The following TMEM53 variants were observed in gnomAD, a reference collection of about 807,000 sequenced individuals.
The protein encoded by TMEM53 is novel DUF829 domain-containing protein.
A neutral mutation model predicts 21.4 loss-of-function variants in TMEM53; 14 were observed. The observed-to-expected ratio is 0.65, with a 90% CI of 0.43 to 1.02. TMEM53 has a LOEUF of 1.02. TMEM53 is among the 50% of genes least tolerant of loss of function. TMEM53 has a pLI of 0.00. For missense variants in TMEM53, 323 were observed against 383.6 expected (o/e 0.84, Z 1.32); for synonymous variants, 148 against 157.4 (o/e 0.94, Z 0.45).
At chr1:44,670,806 T>C (rs1010951499) in intron 1 of TMEM53, among the ~76,000 whole-genome samples, 1 of 152,252 alleles carries the variant, frequency 6.6e-6, no homozygotes, top group Non-Finnish European at 1.5e-5. Flanking sequence ...CCCAGACTCA[T>C]TAATTCTATG....
At position 44,654,161 on chromosome 1, in the gene TMEM53, A is replaced by G. The variant is rs1188416847; in HGVS notation, c.*398T>C. ...AGATAAATAAATAAGTAAAGAAAAA[A>G]AGAGAGTAGGTCTCATATTAAATGT... On this transcript the variant is annotated 3_prime_UTR_variant, in exon 3 of 3. Coordinates refer to ENST00000372237, the MANE Select transcript of TMEM53 (RefSeq NM_024587.4). The surrounding 1 kb of genome is among the most constrained non-coding windows in gnomAD (Gnocchi z 7.0). 3.1e-5 allele frequency: 5 copies of G among 162,724 alleles called. No individual in the cohort carries two copies. The highest frequency in any genetic ancestry group is 6.6e-5 in the Non-Finnish European group (5 of 75,292). The allele number at this position is 162,724 out of a possible 1,614,324, so 10.1% of individuals were successfully genotyped here.
chr1:44,664,728 C>T (rs945078170), intron 1 of TMEM53, among the ~76,000 whole-genome samples: 2 of 152,230 alleles, frequency 1.3e-5, no homozygotes, highest in South Asian at 2.1e-4. Flanking sequence ...ATGACCTCAT[C>T]TACCTGCTTC....
intron 1 of TMEM53, among the ~76,000 whole-genome samples, chr1:44,667,584 A>G (rs1193932119): frequency 6.6e-6 from 1 of 152,142 alleles, no homozygotes; most frequent in Non-Finnish European, 1.5e-5. Context: ...CTGGAATTAC[A>G]GGCATGAGTC....
At chr1:44,660,058 A>G in intron 2 of TMEM53, 116 bp downstream of exon 2, 4 of 1,311,906 alleles carry the variant, frequency 3.0e-6, no homozygotes, top group Non-Finnish European at 4.2e-6. Flanking sequence ...GGGTTTGACC[A>G]TGTTGGCCAG....
intron 2 of TMEM53, among the ~76,000 whole-genome samples, chr1:44,659,459 A>G (rs1292176182): frequency 1.3e-5 from 2 of 152,234 alleles, no homozygotes; most frequent in Non-Finnish European, 2.9e-5. Flanking sequence ...CAGTTACCAC[A>G]GTCTCTATAT....
intron 1 of TMEM53, among the ~76,000 whole-genome samples, chr1:44,663,204 C>A (rs1284272661): frequency 2.0e-5 from 3 of 152,210 alleles, no homozygotes; most frequent in Non-Finnish European, 4.4e-5. Context: ...CAGGCACGTG[C>A]CACCATGGCC....
chr1:44,659,852 A>G (rs1433517752), intron 2 of TMEM53, among the ~76,000 whole-genome samples: 1 of 138,326 alleles, frequency 7.2e-6, no homozygotes, highest in East Asian at 2.1e-4. Flanking sequence ...CCTTCCTCAC[A>G]GGCTTTTTTT....
Position 44,654,653 on chromosome 1 carries a change from A to T in TMEM53, c.740T>A (p.Phe247Tyr). ...GTGGCTGACGTGTGCAGATGACACGAAATCCACAGAACGCGCCAGGACCCG... is the reference window on the plus strand; with the variant it reads ...GTGGCTGACGTGTGCAGATGACACGTAATCCACAGAACGCGCCAGGACCCG... ...ARRVLARSVDFVSSAHVSHLR... is the reference protein window; with the variant it reads ...ARRVLARSVDYVSSAHVSHLR... Residue 247 changes from phenylalanine to tyrosine, a missense_variant, in exon 3 of 3, where the codon TTC becomes TAC. Phe to Tyr is a conservative substitution (Grantham distance 22, BLOSUM62 3). Around this residue, in one of 3 missense-constraint regions of TMEM53, gnomAD observed 269 missense variants for 334.5 expected, o/e 0.80. Transcript: ENST00000372237. This position sits in a 1 kb window ranked among gnomAD's most constrained non-coding sequence, Gnocchi z 7.0. 6.2e-7 allele frequency: 1 copy of T among 1,614,136 alleles called. No individual in the cohort carries two copies. The highest frequency in any genetic ancestry group is 1.6e-4 in the Middle Eastern group (1 of 6,062).
intron 1 of TMEM53, among the ~76,000 whole-genome samples, chr1:44,667,958 A>G (rs1217624856): frequency 6.6e-6 from 1 of 152,234 alleles, no homozygotes; most frequent in Non-Finnish European, 1.5e-5. Context: ...AGATAGTGCC[A>G]GAATTACAAA....
In TMEM53 at chr1:44,653,793, A is replaced by G. The variant is rs1487444544; in HGVS notation, c.*766T>C. ...TACCTTCCCTCTGGCATCTCCCCAC[A>G]AAGGTCACCTTCCATTCAAGGAATC... On this transcript the variant is annotated 3_prime_UTR_variant, in exon 3 of 3. Transcript: ENST00000372237. The G allele has an allele frequency of 2.6e-5, 4 of 152,284 alleles. No homozygotes were observed. Among genetic ancestry groups the G allele is most frequent in the African/African-American group, 7.2e-5 (3 of 41,474 alleles). The allele number at this position is 152,284 out of a possible 1,614,324, so 9.4% of individuals were successfully genotyped here. A position where few individuals can be genotyped will look rare whatever the true frequency, so the allele number is the denominator to read the frequency against.
rs532931302 is a variant in TMEM53, at chr1:44,672,989, G to T, written c.61+1342C>A. On this transcript the variant is annotated intron_variant, in intron 1 of 2. Coordinates refer to ENST00000372237, the MANE Select transcript of TMEM53 (RefSeq NM_024587.4). ...CAAAGACATATAACTTGTAAGACATGGAGCTGAAATGTGAACCAGGACCAC... is the reference window on the plus strand; with the variant it reads ...CAAAGACATATAACTTGTAAGACATTGAGCTGAAATGTGAACCAGGACCAC... Among the ~76,000 whole-genome samples the T allele has an allele frequency of 7.1e-4, 108 of 152,344 alleles. 3 individuals are homozygous for T. The highest frequency in any genetic ancestry group is 7.1e-3 in the South Asian group (34 of 4,820).
At chr1:44,672,806 C>T (rs1645017070) in intron 1 of TMEM53, among the ~76,000 whole-genome samples, 1 of 151,712 alleles carries the variant, frequency 6.6e-6, no homozygotes, top group African/African-American at 2.4e-5. Flanking sequence ...GAGGGGGAAC[C>T]ACAGGGGAGC....
chr1:44,666,172 C>T (rs1240030060), intron 1 of TMEM53, among the ~76,000 whole-genome samples: 1 of 152,158 alleles, frequency 6.6e-6, no homozygotes, highest in East Asian at 1.9e-4. Context: ...AAATCAAAGC[C>T]ACTATGAGGT....
rs1400307767 is a variant in TMEM53 at position 44,655,463 on chromosome 1, G to T, written c.184-254C>A. Among the ~76,000 whole-genome samples, 1 of 152,146 alleles carries T rather than the reference G, an allele frequency of 6.6e-6. No homozygotes were observed. The highest frequency in any genetic ancestry group is 1.5e-5 in the Non-Finnish European group (1 of 68,012). On this transcript the variant is annotated intron_variant, in intron 2 of 2. Coordinates refer to ENST00000372237, the MANE Select transcript of TMEM53 (RefSeq NM_024587.4). The surrounding 1 kb of genome is among the most constrained non-coding windows in gnomAD (Gnocchi z 4.4). ...GCTTCATGCTGGCCAAGCCCTCTTG[G>T]CCTGGAGTGGTATTTGAGGCCCAGA...
chr1:44,661,417 TAAGAG>T (rs1557493613), intron 1 of TMEM53, among the ~76,000 whole-genome samples: 2 of 150,068 alleles, frequency 1.3e-5, no homozygotes. Flanking sequence ...TTTTTTTTTT[TAAGAG>T]TAAAAAAGGG....
rs1484955740 is a variant in TMEM53, at chr1:44,654,420, T to A, written c.*139A>T. On this transcript the variant is annotated 3_prime_UTR_variant, in exon 3 of 3. Coordinates refer to ENST00000372237, the MANE Select transcript of TMEM53 (RefSeq NM_024587.4). The surrounding 1 kb of genome is among the most constrained non-coding windows in gnomAD (Gnocchi z 7.0). ...CAGAGGCCCCCAGGAGACAGGCCCA[T>A]AGGAATTTTCTACTTAGGGGACCGC... 2 of 980,350 alleles carry A rather than the reference T, an allele frequency of 2.0e-6. No individual in the cohort carries two copies. The highest frequency in any genetic ancestry group is 3.0e-6 in the Non-Finnish European group (2 of 662,200). 60.7% of individuals were successfully genotyped at this position (980,350 alleles called of 1,614,324 possible). A position where few individuals can be genotyped will look rare whatever the true frequency, so the allele number is the denominator to read the frequency against.
chr1:44,667,885 C>A (rs890040894), intron 1 of TMEM53, among the ~76,000 whole-genome samples: 1 of 152,112 alleles, frequency 6.6e-6, no homozygotes, highest in Non-Finnish European at 1.5e-5. Context: ...GAGTACCCCA[C>A]AAAGCAATTT....
intron 1 of TMEM53, chr1:44,673,731 A>G: frequency 3.3e-6 from 2 of 607,344 alleles, no homozygotes; most frequent in South Asian, 7.2e-5. Context: ...CCGGTTTTGC[A>G]GAGGAGGAAA....
intron 1 of TMEM53, chr1:44,673,909 G>C (rs1645046938): frequency 7.1e-6 from 7 of 985,366 alleles, no homozygotes; most frequent in Non-Finnish European, 7.2e-6. Flanking sequence ...TGCGAGGATC[G>C]GTGACCCCGC....
Sources: allele counts gnomAD v4.1 joint callset (sites outside exome capture counted in the v4.1 genomes callset), GRCh38; gene constraint gnomAD v4.1.1; regional missense constraint gnomAD v4.1.1; non-coding constraint Gnocchi (gnomAD v3.1); transcripts MANE v1.5; gene names NCBI Gene and HGNC (gene_info 2026-07-23, HGNC 2026-07-21).